RPA3: variants seen among roughly 807,000 people sequenced by gnomAD.
The protein encoded by RPA3 is replication protein A3, also known as replication protein A 14 kDa subunit.
Under a neutral mutation model 13.7 loss-of-function variants are expected in RPA3, and 24 were observed. The observed-to-expected ratio is 1.75, with a 90% CI of 1.27 to 2.46. The LOEUF is 2.46. RPA3 is among the 30% of genes most tolerant of loss of function. The pLI, the probability that RPA3 is intolerant of heterozygous loss-of-function variation, is 0.00. For synonymous variants in RPA3, 59 were observed against 51.2 expected (o/e 1.15, Z -0.65); for missense variants, 183 against 151.0 (o/e 1.21, Z -1.11).
intron 4 of RPA3, among the ~76,000 whole-genome samples, chr7:7,675,393 A>G (rs1779713668): frequency 6.6e-6 from 1 of 152,054 alleles, no homozygotes; most frequent in Non-Finnish European, 1.5e-5. Context: ...TGCTGCTAAG[A>G]TCTCCTCCAA....
chr7:7,711,835 T>C lies in RPA3; in HGVS notation c.-1028+3340A>G, dbSNP rs370333948. On this transcript the variant is annotated intron_variant, in intron 2 of 7. Coordinates refer to ENST00000223129, the MANE Select transcript of RPA3 (RefSeq NM_002947.5). ...AATATATAAAACTTTTCCTTAACTT[T>C]CATATTTCAGTCTGATTTAAAAAGT... Among the ~76,000 whole-genome samples, 13 of 152,288 alleles carry C rather than the reference T, an allele frequency of 8.5e-5. No homozygotes were observed. In the South Asian group the frequency reaches 1.7e-3, roughly 19 times the overall value.
chr7:7,659,440 T>G (rs1183375390), intron 4 of RPA3, among the ~76,000 whole-genome samples: 4 of 152,240 alleles, frequency 2.6e-5, no homozygotes, highest in Admixed American at 2.6e-4. Flanking sequence ...TTGTTGGCAT[T>G]TAGTGCTATA....
chr7:7,641,618 A>T (rs868568575), intron 4 of RPA3: 1 of 152,242 alleles, frequency 6.6e-6, no homozygotes, highest in Non-Finnish European at 1.5e-5. Context: ...GTAGTCTCCA[A>T]TCTGTCCCTG....
At position 7,678,850 on chromosome 7, in the gene RPA3, A is replaced by T. The variant is rs1160563583; in HGVS notation, c.-758+6980T>A. Among the ~76,000 whole-genome samples, 86 of 20,002 alleles carry T rather than the reference A, an allele frequency of 4.3e-3. 28 individuals are homozygous for T. The highest frequency in any genetic ancestry group is 5.5e-3 in the Non-Finnish European group (69 of 12,554). The allele number at this position is 20,002 out of a possible 152,430, so 13.1% of individuals were successfully genotyped here. A position where few individuals can be genotyped will look rare whatever the true frequency, so the allele number is the denominator to read the frequency against. On this transcript the variant is annotated intron_variant, in intron 4 of 7. Coordinates refer to ENST00000223129, the MANE Select transcript of RPA3 (RefSeq NM_002947.5). ...AAACATATATTTATATATTTAGTTT[A>T]TAAACATATATTTATATATTTAGTT...
chr7:7,717,718 C>T (rs1772600408), intron 1 of RPA3, among the ~76,000 whole-genome samples: 1 of 152,162 alleles, frequency 6.6e-6, no homozygotes, highest in Non-Finnish European at 1.5e-5. Context: ...GAGTAAAATG[C>T]AGTTTAACAA....
intron 2 of RPA3, among the ~76,000 whole-genome samples, chr7:7,712,900 T>C (rs1780802513): frequency 1.3e-5 from 2 of 152,226 alleles, no homozygotes; most frequent in Admixed American, 6.5e-5. Context: ...GATTTGATTT[T>C]AATAGAATTC....
chr7:7,643,282 G>A (rs1785016405), intron 4 of RPA3, among the ~76,000 whole-genome samples: 2 of 152,154 alleles, frequency 1.3e-5, no homozygotes, highest in Admixed American at 1.3e-4. Flanking sequence ...ACACTCCACC[G>A]GAAAAAGGAA....
chr7:7,706,551 A>T (rs966827734), intron 2 of RPA3, among the ~76,000 whole-genome samples: 1 of 152,220 alleles, frequency 6.6e-6, no homozygotes, highest in Non-Finnish European at 1.5e-5. Context: ...ATCATTTTTT[A>T]AAATTGGAAA....
intron 4 of RPA3, among the ~76,000 whole-genome samples, chr7:7,672,206 T>G (rs1356107769): frequency 5.3e-5 from 8 of 152,212 alleles, no homozygotes; most frequent in African/African-American, 1.9e-4. Flanking sequence ...TGCTTTCTCT[T>G]TTATTTTTTT....
chr7:7,711,429 T>C (rs1183869689), intron 2 of RPA3, among the ~76,000 whole-genome samples: 1 of 152,194 alleles, frequency 6.6e-6, no homozygotes, highest in Non-Finnish European at 1.5e-5. Context: ...AAGTGGTATA[T>C]GAAAATTCTA....
intron 2 of RPA3, among the ~76,000 whole-genome samples, chr7:7,700,454 A>C (rs2115152790): frequency 6.6e-6 from 1 of 152,298 alleles, no homozygotes; most frequent in Middle Eastern, 3.4e-3. Flanking sequence ...GGCTGGGTGC[A>C]GTGGCTCATG....
intron 4 of RPA3, among the ~76,000 whole-genome samples, chr7:7,665,488 C>T (rs1329464062): frequency 1.3e-5 from 2 of 152,220 alleles, no homozygotes; most frequent in Admixed American, 1.3e-4. Flanking sequence ...CTAAAACTTA[C>T]ATGTGACATC....
At chr7:7,680,563 C>A (rs116365281) in intron 4 of RPA3, among the ~76,000 whole-genome samples, 2,819 of 151,958 alleles carry the variant, frequency 0.019, 86 homozygotes, top group African/African-American at 0.065. Context: ...TTATTTTTTC[C>A]ATTTCTGTGA....
chr7:7,658,543 G>C (rs1200052508), intron 4 of RPA3, among the ~76,000 whole-genome samples: 1 of 152,102 alleles, frequency 6.6e-6, no homozygotes, highest in East Asian at 1.9e-4. Flanking sequence ...TTTATCGAAG[G>C]CCTTTTCTGC....
intron 2 of RPA3, among the ~76,000 whole-genome samples, chr7:7,704,137 C>T (rs1780534974): frequency 6.6e-6 from 1 of 152,130 alleles, no homozygotes; most frequent in Non-Finnish European, 1.5e-5. Flanking sequence ...AACAACACAT[C>T]ATGATAGTCT....
At chr7:7,649,188 A>G (rs1304037107) in intron 4 of RPA3, among the ~76,000 whole-genome samples, 5 of 151,870 alleles carry the variant, frequency 3.3e-5, no homozygotes, top group Non-Finnish European at 4.4e-5. Flanking sequence ...AAGAAAAGAA[A>G]AGAATAAAAA....
chr7:7,641,985 G>A (rs995353653), intron 4 of RPA3, among the ~76,000 whole-genome samples: 2 of 152,200 alleles, frequency 1.3e-5, no homozygotes, highest in African/African-American at 4.8e-5. Context: ...TAGAATGTGT[G>A]TCAGTGGTGT....
rs186556369 is a variant in RPA3, at chr7:7,648,718, G to T, written c.-757-7543C>A. Among the ~76,000 whole-genome samples the T allele has an allele frequency of 1.4e-3, 209 of 152,064 alleles. 4 individuals are homozygous for T. The highest frequency in any genetic ancestry group is 4.9e-3 in the African/African-American group (204 of 41,466). On this transcript the variant is annotated intron_variant, in intron 4 of 7. Transcript: ENST00000223129. Reference sequence around the variant, plus strand: ...ATACAAAAATTAGCTGGCCATGGTGGTGTGTGTGCCTGTGGTCCTAGCTAC... The same window carrying T: ...ATACAAAAATTAGCTGGCCATGGTGTTGTGTGTGCCTGTGGTCCTAGCTAC...
At chr7:7,706,323 C>A (rs938288023) in intron 2 of RPA3, among the ~76,000 whole-genome samples, 1 of 152,110 alleles carries the variant, frequency 6.6e-6, no homozygotes, top group South Asian at 2.1e-4. Context: ...AGTAGTGAGG[C>A]TGCTCATGTT....
Sources: allele counts gnomAD v4.1 joint callset (sites outside exome capture counted in the v4.1 genomes callset), GRCh38; gene constraint gnomAD v4.1.1; transcripts MANE v1.5; gene names NCBI Gene and HGNC (gene_info 2026-07-23, HGNC 2026-07-21).